Variants in KIF11 observed in about 807,000 individuals in gnomAD.
KIF11 encodes kinesin family member 11, also known as kinesin-like protein KIF11.
KIF11 carries 9 observed loss-of-function variants against 121.0 expected under a neutral mutation model. That is an observed-to-expected ratio of 0.07 (90% confidence interval 0.04 to 0.13). The LOEUF (loss-of-function observed/expected upper bound fraction) is 0.13, where lower values mean the gene tolerates loss of function less well. Among genes scored for constraint, KIF11 ranks in the 10% least tolerant of loss-of-function variants. The probability of loss-of-function intolerance (pLI) is 1.00; values close to 1 mark genes in which losing one functional copy is unlikely to be tolerated. For synonymous variants in KIF11, 408 were observed against 421.0 expected, an observed-to-expected ratio of 0.97 and a Z score of 0.38; for missense variants, 846 against 1,217.5, an observed-to-expected ratio of 0.69 and a Z score of 4.54.
chr10:92,628,764 GAA>G (rs761586238), intron 10 of KIF11, 42 bp from the exon 11 acceptor site: 2 of 1,077,954 alleles, frequency 1.9e-6, no homozygotes, highest in African/African-American at 1.6e-5. Context: ...ATAGGAGTTA[GAA>G]AAAAATATTA....
intron 1 of KIF11, among the ~76,000 whole-genome samples, chr10:92,594,920 G>A (rs925345122): frequency 2.6e-5 from 4 of 151,870 alleles, no homozygotes; most frequent in East Asian, 1.9e-4. Flanking sequence ...TTCCTGGTGC[G>A]TCTGTCATTA....
chr10:92,602,628 G>A (rs750198020), intron 1 of KIF11, among the ~76,000 whole-genome samples: 1 of 152,062 alleles, frequency 6.6e-6, no homozygotes, highest in Non-Finnish European at 1.5e-5. Context: ...AAGTTGTAAA[G>A]TTAGGGTGTT....
intron 1 of KIF11, among the ~76,000 whole-genome samples, chr10:92,594,840 C>T (rs1414064954): frequency 6.6e-6 from 1 of 151,700 alleles, no homozygotes; most frequent in Non-Finnish European, 1.5e-5. Flanking sequence ...TTGCTTGTGT[C>T]TAATATTTAC....
chr10:92,649,959 A>G lies in KIF11; in HGVS notation c.2895A>G (p.Ser965=), dbSNP rs1249390880. ...AGCTGTTAATGATGCTAAACTGTTC[A>G]GAAAACAACAAAGAAGAGACAATTC... is the stretch of plus-strand genomic sequence containing the variant. The part of the protein sequence containing the change: ...QPELLMMLNC[S]ENNKEETIPD... Residue 965 remains serine, a synonymous_variant, in exon 20 of 22, where the codon TCA becomes TCG. Coordinates refer to ENST00000260731, the MANE Select transcript of KIF11 (RefSeq NM_004523.4). 7 of 1,612,020 alleles carry G rather than the reference A, an allele frequency of 4.3e-6. No homozygotes were observed. The highest frequency in any genetic ancestry group is 5.9e-6 in the Non-Finnish European group (7 of 1,178,762).
At chr10:92,650,722 G>T (rs1434357382) in intron 21 of KIF11, among the ~76,000 whole-genome samples, 1 of 152,116 alleles carries the variant, frequency 6.6e-6, no homozygotes, top group Admixed American at 6.5e-5. Flanking sequence ...GGCAGAATTT[G>T]ACTTAATCTA....
chr10:92,623,135 AT>A (rs1388919904), intron 10 of KIF11, among the ~76,000 whole-genome samples: 2 of 152,170 alleles, frequency 1.3e-5, no homozygotes, highest in African/African-American at 4.8e-5. Flanking sequence ...ACTTGTATAG[AT>A]TTGTGTAACC....
chr10:92,621,738 A>G (rs1589597755), intron 10 of KIF11, among the ~76,000 whole-genome samples: 1 of 152,082 alleles, frequency 6.6e-6, no homozygotes, highest in East Asian at 1.9e-4. Context: ...AGTAGCTGGG[A>G]TTATAGGCAT....
At chr10:92,612,720 T>A (rs1340443922) in intron 6 of KIF11, among the ~76,000 whole-genome samples, 1 of 152,158 alleles carries the variant, frequency 6.6e-6, no homozygotes, top group African/African-American at 2.4e-5. Context: ...AGAAGATGAT[T>A]ACAAGCCATC....
Position 92,613,733 on chromosome 10 carries a change from C to A in KIF11, c.1032+114C>A. Reference sequence around the variant, plus strand: ...ACACAGTGACTCACACCTGTAAACCCAGCACTTTGGAAGTCCAAGGTGGGC... The same window carrying A: ...ACACAGTGACTCACACCTGTAAACCAAGCACTTTGGAAGTCCAAGGTGGGC... On this transcript the variant is annotated intron_variant, in intron 8 of 21. Transcript: ENST00000260731. This position sits in a 1 kb window ranked among gnomAD's most constrained non-coding sequence, Gnocchi z 4.2. 9.5e-7 allele frequency: 1 copy of A among 1,050,090 alleles called. No homozygotes were observed. Among genetic ancestry groups the A allele is most frequent in the Non-Finnish European group, 1.3e-6 (1 of 741,836 alleles). The allele number at this position is 1,050,090 out of a possible 1,614,324, so 65.0% of individuals were successfully genotyped here.
intron 10 of KIF11, among the ~76,000 whole-genome samples, chr10:92,628,321 T>C: frequency 6.6e-6 from 1 of 152,186 alleles, no homozygotes; most frequent in African/African-American, 2.4e-5. Context: ...TCTGTATACA[T>C]ACTTTAAGTC....
chr10:92,629,327 C>A (rs1844710603), intron 11 of KIF11, among the ~76,000 whole-genome samples: 2 of 151,816 alleles, frequency 1.3e-5, no homozygotes, highest in South Asian at 2.1e-4. Context: ...ATTTTGCTGA[C>A]CCTTATACTG....
At chr10:92,640,473 C>T (rs1400373255) in intron 17 of KIF11, among the ~76,000 whole-genome samples, 1 of 152,184 alleles carries the variant, frequency 6.6e-6, no homozygotes, top group Non-Finnish European at 1.5e-5. Flanking sequence ...GCTCTGTCAC[C>T]CAGGCTGGAG....
At chr10:92,607,262 T>G in intron 4 of KIF11, 25 bp downstream of exon 4, 1 of 1,368,274 alleles carries the variant, frequency 7.3e-7, no homozygotes, top group Non-Finnish European at 1.0e-6. Context: ...TAACATACTT[T>G]TATCTCTAAT....
In KIF11 at chr10:92,613,700, T is replaced by C; in HGVS notation, c.1032+81T>C. On this transcript the variant is annotated intron_variant, in intron 8 of 21. Coordinates refer to ENST00000260731, the MANE Select transcript of KIF11 (RefSeq NM_004523.4). This position sits in a 1 kb window ranked among gnomAD's most constrained non-coding sequence, Gnocchi z 4.2. ...TTATATATTTTAAAAGTTCATTTACTAGGATGGACACAGTGACTCACACCT... is the reference window on the plus strand; with the variant it reads ...TTATATATTTTAAAAGTTCATTTACCAGGATGGACACAGTGACTCACACCT... 7.5e-7 allele frequency: 1 copy of C among 1,338,042 alleles called. No homozygotes were observed. The highest frequency in any genetic ancestry group is 2.4e-5 in the East Asian group (1 of 42,102). The allele number at this position is 1,338,042 out of a possible 1,614,324, so 82.9% of individuals were successfully genotyped here.
In KIF11 at chr10:92,650,061, T is replaced by G. The variant is rs562182968; in HGVS notation, c.2922+75T>G. The G allele has an allele frequency of 9.6e-6, 11 of 1,151,560 alleles. No homozygotes were observed. The East Asian group carries it at 2.8e-4, about 30-fold the overall frequency. The allele number at this position is 1,151,560 out of a possible 1,614,324, so 71.3% of individuals were successfully genotyped here. Reference sequence around the variant, plus strand: ...GATGTGGCTGACTTCATGTGAAGAATTTTACTGTTTACCCCTCAATCTTAC... The same window carrying G: ...GATGTGGCTGACTTCATGTGAAGAAGTTTACTGTTTACCCCTCAATCTTAC... On this transcript the variant is annotated intron_variant, in intron 20 of 21. Coordinates refer to ENST00000260731, the MANE Select transcript of KIF11 (RefSeq NM_004523.4).
rs1379572046 is a variant in KIF11 at position 92,651,528 on chromosome 10, T to C, written c.3039+1011T>C. On this transcript the variant is annotated intron_variant, in intron 21 of 21. Transcript: ENST00000260731. The stretch of plus-strand genomic sequence containing the variant: ...TTTTGTTTTTTTTTTTTTTTTTTTT[T>C]TTTTTTTTTTTTTTTTTTTTAGTAG... Among the ~76,000 whole-genome samples the C allele has an allele frequency of 1.3e-4, 15 of 118,470 alleles. 1 individual carries two copies. The South Asian group carries it at 2.6e-3, about 21-fold the overall frequency. The allele number at this position is 118,470 out of a possible 152,430, so 77.7% of individuals were successfully genotyped here.
intron 1 of KIF11, among the ~76,000 whole-genome samples, chr10:92,598,066 G>A (rs1338247048): frequency 6.6e-6 from 1 of 151,968 alleles, no homozygotes; most frequent in African/African-American, 2.4e-5. Flanking sequence ...GGATCACAGG[G>A]ATGCTGTCTT....
At chr10:92,606,548 A>G (rs1844432617) in intron 2 of KIF11, 71 bp from the exon 3 acceptor site, 1 of 1,214,380 alleles carries the variant, frequency 8.2e-7, no homozygotes, top group Admixed American at 2.3e-5. Context: ...ATTAGTTAAC[A>G]TACGAAAAAC....
intron 9 of KIF11, among the ~76,000 whole-genome samples, chr10:92,619,360 G>A (rs763217411): frequency 6.6e-6 from 1 of 152,088 alleles, no homozygotes; most frequent in African/African-American, 2.4e-5. Context: ...TGGTGAGTAT[G>A]TACCATACAT....
Sources: allele counts gnomAD v4.1 joint callset (sites outside exome capture counted in the v4.1 genomes callset), GRCh38; gene constraint gnomAD v4.1.1; non-coding constraint Gnocchi (gnomAD v3.1); transcripts MANE v1.5; gene names NCBI Gene and HGNC (gene_info 2026-07-23, HGNC 2026-07-21).